The following TIAL1 variants were observed in gnomAD, a reference collection of about 807,000 sequenced individuals.
The protein encoded by TIAL1 is TIA1 cytotoxic granule associated RNA binding protein like 1.
TIAL1 carries 7 observed loss-of-function variants against 59.7 expected under a neutral mutation model. The observed-to-expected ratio is 0.12, with a 90% CI of 0.07 to 0.22. The LOEUF is 0.22. Ranked by LOEUF, TIAL1 falls within the 10% of genes least tolerant of loss-of-function variation. The probability of loss-of-function intolerance (pLI) is 1.00; values close to 1 mark genes in which losing one functional copy is unlikely to be tolerated. For synonymous variants in TIAL1, 149 were observed against 146.3 expected (o/e 1.02, Z -0.13); for missense variants, 225 against 462.5 (o/e 0.49, Z 4.71).
chr10:119,576,806 G>A, intron 10 of TIAL1, 56 bp from the exon 11 acceptor site: 2 of 1,592,860 alleles, frequency 1.3e-6, no homozygotes, highest in Non-Finnish European at 1.7e-6. Flanking sequence ...CGTATATGAA[G>A]AAAGAGTGGG....
chr10:119,587,874 C>T (rs891417523), intron 2 of TIAL1, among the ~76,000 whole-genome samples: 1 of 152,166 alleles, frequency 6.6e-6, no homozygotes, highest in Non-Finnish European at 1.5e-5. Context: ...TCCAATTTTT[C>T]ACCATTCTGA....
At position 119,575,570 on chromosome 10, in the gene TIAL1, A is replaced by T; in HGVS notation, c.*95T>A. 1 of 1,512,918 alleles carries T rather than the reference A, an allele frequency of 6.6e-7. No homozygotes were observed. The allele number at this position is 1,512,918 out of a possible 1,614,324, so 93.7% of individuals were successfully genotyped here. A position where few individuals can be genotyped will look rare whatever the true frequency, so the allele number is the denominator to read the frequency against. ...CCAAACATTTCAATTTTTAAAATAA[A>T]TATTTTCATTTTCCGATGTCTACTT... is the stretch of plus-strand genomic sequence containing the variant. On this transcript the variant is annotated 3_prime_UTR_variant, in exon 12 of 12. Coordinates refer to ENST00000436547, the MANE Select transcript of TIAL1 (RefSeq NM_003252.4).
intron 1 of TIAL1, among the ~76,000 whole-genome samples, chr10:119,593,893 T>C (rs1257008590): frequency 6.6e-6 from 1 of 152,214 alleles, no homozygotes; most frequent in Admixed American, 6.5e-5. Context: ...CTGCACCACA[T>C]GTGACAGTAA....
chr10:119,592,387 A>T (rs921528789), intron 1 of TIAL1: 1 of 152,206 alleles, frequency 6.6e-6, no homozygotes, highest in Non-Finnish European at 1.5e-5. Flanking sequence ...GTTTCACAGT[A>T]GGCAGAAATT....
At chr10:119,578,109 C>T (rs1421299121) in intron 7 of TIAL1, among the ~76,000 whole-genome samples, 2 of 151,456 alleles carry the variant, frequency 1.3e-5, no homozygotes, top group South Asian at 2.1e-4. Context: ...CCTGTAATTC[C>T]AGCCACTCAG....
chr10:119,575,880 C>T (rs1844964384), intron 11 of TIAL1, 89 bp from the exon 12 acceptor site: 2 of 1,352,864 alleles, frequency 1.5e-6, no homozygotes, highest in East Asian at 2.6e-5. Context: ...AGCCTAATCA[C>T]AGAATAGAAA....
At chr10:119,590,832 T>A (rs1845847541) in intron 1 of TIAL1, among the ~76,000 whole-genome samples, 2 of 140,626 alleles carry the variant, frequency 1.4e-5, no homozygotes, top group Non-Finnish European at 3.2e-5. Context: ...AACGAACAAG[T>A]GATCTTGAGC....
intron 6 of TIAL1, 41 bp from the exon 7 acceptor site, chr10:119,578,875 G>A (rs1487484410): frequency 1.3e-6 from 2 of 1,484,830 alleles, no homozygotes; most frequent in South Asian, 1.1e-5. Context: ...AGAAAAGAGT[G>A]ATAAATAAGA....
At chr10:119,578,220 A>G (rs35460050) in intron 7 of TIAL1, among the ~76,000 whole-genome samples, 1 of 51,864 alleles carries the variant, frequency 1.9e-5, no homozygotes, top group East Asian at 6.3e-4. Flanking sequence ...GCGAGACTCC[A>G]CCTCAAAAAA....
At chr10:119,580,618 G>A (rs1845256356) in intron 5 of TIAL1, 1 of 994,746 alleles carries the variant, frequency 1.0e-6, no homozygotes, top group South Asian at 4.4e-5. Context: ...AAGCACACCA[G>A]TACGAAAACA....
At chr10:119,585,263 C>G (rs1845508103) in intron 2 of TIAL1, among the ~76,000 whole-genome samples, 1 of 151,694 alleles carries the variant, frequency 6.6e-6, no homozygotes, top group Non-Finnish European at 1.5e-5. Flanking sequence ...AAGTTCGGGA[C>G]CATTGGTAAC....
chr10:119,590,928 T>C (rs1471387826), intron 1 of TIAL1, among the ~76,000 whole-genome samples: 2 of 152,356 alleles, frequency 1.3e-5, no homozygotes, highest in East Asian at 1.9e-4. Context: ...TTTTCACATA[T>C]TGAAGCTAGC....
chr10:119,583,536 C>T (rs1391824271), intron 2 of TIAL1, among the ~76,000 whole-genome samples: 1 of 152,028 alleles, frequency 6.6e-6, no homozygotes, highest in Non-Finnish European at 1.5e-5. Context: ...TTATGTAAGG[C>T]TAAAAACATT....
rs925740079 is a variant in TIAL1 at position 119,574,310 on chromosome 10, T to C, written c.*1355A>G. ...GCCTCTGCTCAGGCTTATTATACCA[T>C]GCACACTGCCCACAAGGAAAAAAAT... On this transcript the variant is annotated 3_prime_UTR_variant, in exon 12 of 12. Coordinates refer to ENST00000436547, the MANE Select transcript of TIAL1 (RefSeq NM_003252.4). 1.3e-5 allele frequency: 2 copies of C among 152,086 alleles called. No homozygotes were observed. Among genetic ancestry groups the C allele is most frequent in the African/African-American group, 2.4e-5 (1 of 41,388 alleles). The allele number at this position is 152,086 out of a possible 1,614,324, so 9.4% of individuals were successfully genotyped here. A position where few individuals can be genotyped will look rare whatever the true frequency, so the allele number is the denominator to read the frequency against.
chr10:119,591,648 T>C (rs1845887019), intron 1 of TIAL1, among the ~76,000 whole-genome samples: 1 of 152,168 alleles, frequency 6.6e-6, no homozygotes, highest in Admixed American at 6.5e-5. Flanking sequence ...GCAAACTAAA[T>C]TTCAAAAACT....
intron 1 of TIAL1, among the ~76,000 whole-genome samples, chr10:119,592,615 A>G (rs1366198940): frequency 6.6e-6 from 1 of 152,228 alleles, no homozygotes; most frequent in East Asian, 1.9e-4. Flanking sequence ...GTCCTATACA[A>G]GAAGAGATTT....
intron 6 of TIAL1, among the ~76,000 whole-genome samples, chr10:119,579,247 G>A (rs41317022): frequency 4.1e-3 from 631 of 152,120 alleles, no homozygotes; most frequent in Non-Finnish European, 6.4e-3. Flanking sequence ...CTGAGGCAGC[G>A]CGATCGCTTG....
At chr10:119,590,766 A>G (rs866199085) in intron 1 of TIAL1, among the ~76,000 whole-genome samples, 4 of 56,490 alleles carry the variant, frequency 7.1e-5, no homozygotes, top group African/African-American at 2.1e-4. Context: ...GAAAGAGAGA[A>G]AGAAAGAAAG....
chr10:119,576,886 G>C, intron 10 of TIAL1, 136 bp from the exon 11 acceptor site: 1 of 1,373,610 alleles, frequency 7.3e-7, no homozygotes, highest in Admixed American at 2.3e-5. Context: ...CATTGTCTAA[G>C]TTTATTGGGG....
Sources: allele counts gnomAD v4.1 joint callset (sites outside exome capture counted in the v4.1 genomes callset), GRCh38; gene constraint gnomAD v4.1.1; transcripts MANE v1.5; gene names NCBI Gene and HGNC (gene_info 2026-07-23, HGNC 2026-07-21).